ARMC9: variants seen among roughly 807,000 people sequenced by gnomAD.
The protein encoded by ARMC9 is lisH domain-containing protein ARMC9.
ARMC9 carries 94 observed loss-of-function variants against 107.0 expected under a neutral mutation model. The ratio of observed to expected loss-of-function variants is 0.88; its 90% CI spans 0.74 to 1.04. The LOEUF (loss-of-function observed/expected upper bound fraction) is 1.04. ARMC9 is among the 50% of genes least tolerant of loss of function. The pLI is 0.00. For synonymous variants in ARMC9, 380 were observed against 396.9 expected (o/e 0.96, Z 0.51); for missense variants, 942 against 1,030.1 (o/e 0.91, Z 1.17).
intron 17 of ARMC9, among the ~76,000 whole-genome samples, chr2:231,285,810 A>C (rs772642184): frequency 1.3e-5 from 2 of 152,198 alleles, no homozygotes; most frequent in Non-Finnish European, 2.9e-5. Context: ...TCATGCCCAC[A>C]ATAAGGTTTT....
intron 19 of ARMC9, among the ~76,000 whole-genome samples, chr2:231,329,991 C>T (rs1421085904): frequency 6.6e-6 from 1 of 152,144 alleles, no homozygotes; most frequent in Non-Finnish European, 1.5e-5. Context: ...TTCTCCAGCA[C>T]TATTTGATGA....
chr2:231,273,879 C>G (rs1220929123), intron 14 of ARMC9, among the ~76,000 whole-genome samples: 1 of 152,096 alleles, frequency 6.6e-6, no homozygotes, highest in African/African-American at 2.4e-5. Context: ...AAAAAGAAAC[C>G]TCATACCCAT....
intron 2 of ARMC9, 131 bp from the exon 3 acceptor site, chr2:231,207,996 G>A: frequency 1.8e-6 from 1 of 544,314 alleles, no homozygotes; most frequent in Non-Finnish European, 3.3e-6. Flanking sequence ...GTGATGTTAA[G>A]CACCTTTTCA....
intron 7 of ARMC9, among the ~76,000 whole-genome samples, chr2:231,233,542 C>T (rs776349827): frequency 5.3e-5 from 8 of 151,924 alleles, no homozygotes; most frequent in Non-Finnish European, 7.4e-5. Context: ...TTTGGGGGGC[C>T]GAGGCAGGTG....
intron 21 of ARMC9, among the ~76,000 whole-genome samples, chr2:231,348,623 ACAAT>A: frequency 6.6e-6 from 1 of 152,242 alleles, no homozygotes; most frequent in African/African-American, 2.4e-5. Context: ...AGCAAAGGAA[ACAAT>A]CAACAAAGTG....
intron 13 of ARMC9, among the ~76,000 whole-genome samples, chr2:231,271,781 A>G (rs975674075): frequency 2.6e-5 from 4 of 152,234 alleles, no homozygotes; most frequent in East Asian, 1.9e-4. Flanking sequence ...TGAAATTAAC[A>G]TCTTCCATAT....
chr2:231,261,642 A>C (rs1423040262), intron 11 of ARMC9, among the ~76,000 whole-genome samples: 1 of 152,142 alleles, frequency 6.6e-6, no homozygotes, highest in Non-Finnish European at 1.5e-5. Context: ...TGTGCTGGTT[A>C]ATAGGCTGCC....
At chr2:231,205,543 G>A (rs1390868724) in intron 1 of ARMC9, among the ~76,000 whole-genome samples, 3 of 152,198 alleles carry the variant, frequency 2.0e-5, no homozygotes, top group African/African-American at 2.4e-5. Flanking sequence ...TGAGCCTGGG[G>A]TGTGGGCCAT....
rs1020131215 is a variant in ARMC9 at position 231,338,792 on chromosome 2, A to G, written c.1879-6183A>G. Among the ~76,000 whole-genome samples the G allele has an allele frequency of 2.6e-5, 4 of 152,208 alleles. No individual in the cohort carries two copies. The East Asian group carries it at 5.8e-4, about 22-fold the overall frequency. ...TTTTTCTTCATATATCTTCTGTTTT[A>G]TGCCCTTTGATTGCTTCTGTATATG... On this transcript the variant is annotated intron_variant, in intron 20 of 24. Transcript: ENST00000611582.
chr2:231,308,652 A>G lies in ARMC9; in HGVS notation c.1773+12399A>G, dbSNP rs1293503633. 2.0e-5 allele frequency among the ~76,000 whole-genome samples: 3 copies of G among 152,308 alleles called. 1 individual carries two copies. Among genetic ancestry groups the G allele is most frequent in the Middle Eastern group, 6.8e-3 (2 of 294 alleles). ...TGCACGTGTCAGGAGGCACAACAAGATGATGTGGCTAGAACGGAAAATGAT... is the reference window on the plus strand; with the variant it reads ...TGCACGTGTCAGGAGGCACAACAAGGTGATGTGGCTAGAACGGAAAATGAT... On this transcript the variant is annotated intron_variant, in intron 19 of 24. Transcript: ENST00000611582.
chr2:231,354,884 A>G (rs2045272743), intron 21 of ARMC9, among the ~76,000 whole-genome samples: 3 of 152,210 alleles, frequency 2.0e-5, no homozygotes, highest in Admixed American at 1.3e-4. Context: ...TGACCCAATG[A>G]GGCTGTCCCA....
chr2:231,279,668 G>T (rs901756552), intron 16 of ARMC9, among the ~76,000 whole-genome samples: 1 of 151,744 alleles, frequency 6.6e-6, no homozygotes, highest in Non-Finnish European at 1.5e-5. Flanking sequence ...CCGCCACTAC[G>T]TCTGGCTAAT....
chr2:231,315,629 A>G (rs925573220), intron 19 of ARMC9, among the ~76,000 whole-genome samples: 3 of 152,254 alleles, frequency 2.0e-5, no homozygotes, highest in Admixed American at 6.5e-5. Context: ...GTCTAGCTCT[A>G]TGCTAGTACC....
chr2:231,357,357 A>G (rs1377833202), intron 22 of ARMC9, among the ~76,000 whole-genome samples: 1 of 152,062 alleles, frequency 6.6e-6, no homozygotes, highest in African/African-American at 2.4e-5. Flanking sequence ...CAGTGCCCCC[A>G]TTAACCTGCC....
chr2:231,317,113 G>A (rs2042737288), intron 19 of ARMC9, among the ~76,000 whole-genome samples: 1 of 151,676 alleles, frequency 6.6e-6, no homozygotes, highest in African/African-American at 2.4e-5. Flanking sequence ...GTTCTTAGCG[G>A]TTTGTCTATG....
intron 23 of ARMC9, among the ~76,000 whole-genome samples, chr2:231,368,878 C>T (rs575238232): frequency 8.5e-5 from 13 of 152,296 alleles, no homozygotes; most frequent in African/African-American, 2.6e-4. Context: ...CCACTTTGGC[C>T]TCCCAAAGTG....
At chr2:231,217,212 T>C (rs2033605660) in intron 5 of ARMC9, among the ~76,000 whole-genome samples, 1 of 152,228 alleles carries the variant, frequency 6.6e-6, no homozygotes, top group African/African-American at 2.4e-5. Flanking sequence ...AGAGAGGACA[T>C]GCTATGTGAT....
At chr2:231,338,491 T>C (rs185099577) in intron 20 of ARMC9, among the ~76,000 whole-genome samples, 201 of 151,324 alleles carry the variant, frequency 1.3e-3, no homozygotes, top group African/African-American at 4.6e-3. Flanking sequence ...CCTCTCAAAG[T>C]GTTGGGATTA....
chr2:231,306,920 A>T (rs1035512813), intron 19 of ARMC9, among the ~76,000 whole-genome samples: 2 of 152,246 alleles, frequency 1.3e-5, no homozygotes, highest in Non-Finnish European at 2.9e-5. Flanking sequence ...CTTCTTGACC[A>T]GAGCCACAGG....
Sources: gnomAD v4.1 joint callset for allele counts (sites outside exome capture counted in the v4.1 genomes callset) on GRCh38, gnomAD v4.1.1 for gene constraint, MANE v1.5 for transcripts, NCBI Gene and HGNC (gene_info 2026-07-23, HGNC 2026-07-21) for gene names.